The following SPATA16 variants were observed in gnomAD, a reference collection of about 807,000 sequenced individuals.
The protein encoded by SPATA16 is spermatogenesis associated 16.
SPATA16 carries 36 observed loss-of-function variants against 63.3 expected under a neutral mutation model. The ratio of observed to expected loss-of-function variants is 0.57; its 90% CI spans 0.44 to 0.75. The LOEUF is 0.75. SPATA16 is among the 30% of genes least tolerant of loss of function. SPATA16 has a pLI of 0.00. For synonymous variants in SPATA16, 203 were observed against 216.7 expected, an observed-to-expected ratio of 0.94 and a Z score of 0.56; for missense variants, 646 against 679.3, an observed-to-expected ratio of 0.95 and a Z score of 0.54.
At chr3:172,957,251 G>A (rs758580368) in intron 5 of SPATA16, among the ~76,000 whole-genome samples, 3 of 151,822 alleles carry the variant, frequency 2.0e-5, no homozygotes, top group Non-Finnish European at 2.9e-5. Context: ...TAAATAACAC[G>A]GCAAACTAGA....
At chr3:173,003,490 G>T (rs1012191735) in intron 4 of SPATA16, among the ~76,000 whole-genome samples, 5 of 152,202 alleles carry the variant, frequency 3.3e-5, no homozygotes, top group Non-Finnish European at 5.9e-5. Context: ...CTTATCGGCA[G>T]TGTAATCTTC....
intron 6 of SPATA16, among the ~76,000 whole-genome samples, chr3:172,937,277 C>T (rs1334957900): frequency 2.0e-5 from 3 of 152,066 alleles, no homozygotes; most frequent in Non-Finnish European, 4.4e-5. Flanking sequence ...GAGGAGGAAC[C>T]TTTGATTGGT....
At chr3:173,087,844 A>G (rs1034771112) in intron 2 of SPATA16, among the ~76,000 whole-genome samples, 1 of 152,088 alleles carries the variant, frequency 6.6e-6, no homozygotes, top group African/African-American at 2.4e-5. Flanking sequence ...AATGTTGAAT[A>G]TTGGCCTCCA....
intron 1 of SPATA16, among the ~76,000 whole-genome samples, chr3:173,123,300 A>G (rs1342660750): frequency 6.6e-6 from 1 of 152,234 alleles, no homozygotes; most frequent in African/African-American, 2.4e-5. Context: ...TAAAGAAACC[A>G]AGAGGTTAAA....
In SPATA16 at chr3:173,107,455, A is replaced by ATT. The variant is rs35351688; in HGVS notation, c.612+9663_612+9664dup. Among the ~76,000 whole-genome samples, 1,170 of 143,362 alleles carry ATT rather than the reference A, an allele frequency of 8.2e-3. 10 individuals are homozygous for ATT. The highest frequency in any genetic ancestry group is 0.017 in the African/African-American group (660 of 39,482). The allele number at this position is 143,362 out of a possible 152,430, so 94.1% of individuals were successfully genotyped here. A position where few individuals can be genotyped will look rare whatever the true frequency, so the allele number is the denominator to read the frequency against. ...GTGTGATGAAAATCTCTCTCTCTCT[A>ATT]TTTTTTTTTTTTTTTACTCCCTAAG... On this transcript the variant is annotated intron_variant, in intron 2 of 10. Transcript: ENST00000351008.
chr3:172,998,098 A>G (rs1286281963), intron 4 of SPATA16, among the ~76,000 whole-genome samples: 2 of 152,052 alleles, frequency 1.3e-5, no homozygotes, highest in East Asian at 3.9e-4. Context: ...TTTGATTGGG[A>G]CTGTGTTGAA....
At chr3:173,106,376 A>G (rs543243259) in intron 2 of SPATA16, among the ~76,000 whole-genome samples, 1 of 152,184 alleles carries the variant, frequency 6.6e-6, no homozygotes, top group Non-Finnish European at 1.5e-5. Context: ...TAAAATCAAC[A>G]CGTGGATTAT....
intron 5 of SPATA16, among the ~76,000 whole-genome samples, chr3:172,966,640 C>T (rs77544571): frequency 1.3e-5 from 2 of 151,902 alleles, no homozygotes; most frequent in Admixed American, 6.6e-5. Flanking sequence ...ATGATTCAGC[C>T]CAGGTACAGA....
chr3:173,082,299 C>A (rs1183505531), intron 2 of SPATA16, among the ~76,000 whole-genome samples: 1 of 152,178 alleles, frequency 6.6e-6, no homozygotes, highest in East Asian at 1.9e-4. Context: ...ATCCTCAAAA[C>A]CACCTGGAAA....
At chr3:172,958,013 T>A (rs1314792218) in intron 5 of SPATA16, among the ~76,000 whole-genome samples, 1 of 152,184 alleles carries the variant, frequency 6.6e-6, no homozygotes, top group Non-Finnish European at 1.5e-5. Context: ...TATGTAAAAA[T>A]TAGTGGTGGA....
At position 173,062,568 on chromosome 3, in the gene SPATA16, A is replaced by T. The variant is rs146009568; in HGVS notation, c.613-13474T>A. Among the ~76,000 whole-genome samples, 412 of 152,290 alleles carry T rather than the reference A, an allele frequency of 2.7e-3. 2 individuals carry two copies. Among genetic ancestry groups the T allele is most frequent in the African/African-American group, 8.7e-3 (360 of 41,554 alleles). ...TTATAACCCCAAATTTTCTGATGAGATAAGACTGACTAACTTTTCAGACAA... is the reference window on the plus strand; with the variant it reads ...TTATAACCCCAAATTTTCTGATGAGTTAAGACTGACTAACTTTTCAGACAA... On this transcript the variant is annotated intron_variant, in intron 2 of 10. Coordinates refer to ENST00000351008, the MANE Select transcript of SPATA16 (RefSeq NM_031955.6).
At chr3:173,113,692 C>T (rs1438872406) in intron 2 of SPATA16, among the ~76,000 whole-genome samples, 1 of 152,106 alleles carries the variant, frequency 6.6e-6, no homozygotes, top group Admixed American at 6.5e-5. Context: ...GAAACTAACA[C>T]ATAAACAAAA....
chr3:173,117,481 C>G lies in SPATA16; in HGVS notation c.251G>C (p.Arg84Pro). 1 of 1,614,094 alleles carries G rather than the reference C, an allele frequency of 6.2e-7. No homozygotes were observed. The highest frequency in any genetic ancestry group is 8.5e-7 in the Non-Finnish European group (1 of 1,179,994). Reference sequence around the variant, plus strand: ...TGGCTTTTCTTCACCTTCTGCCTTCCGTTTAAAGGCTGCTTTCTCTAAATC... The same window carrying G: ...TGGCTTTTCTTCACCTTCTGCCTTCGGTTTAAAGGCTGCTTTCTCTAAATC... ...SNDLEKAAFKRKAEGEEKPTR... is the reference protein window; with the variant it reads ...SNDLEKAAFKPKAEGEEKPTR... The change falls in exon 2 of 11, where the codon CGG becomes CCG. Residue 84 changes from arginine (R) to proline (P), a missense_variant. By Grantham distance (103) the Arg-to-Pro change is moderately radical (BLOSUM62 -2). Transcript: ENST00000351008.
At chr3:173,026,655 C>T (rs772316705) in intron 3 of SPATA16, among the ~76,000 whole-genome samples, 3 of 151,820 alleles carry the variant, frequency 2.0e-5, no homozygotes, top group Non-Finnish European at 4.4e-5. Context: ...CTGCAATTTT[C>T]CCGGCACTAC....
At chr3:173,081,433 C>T (rs553358891) in intron 2 of SPATA16, among the ~76,000 whole-genome samples, 5 of 152,108 alleles carry the variant, frequency 3.3e-5, no homozygotes, top group Admixed American at 6.5e-5. Flanking sequence ...GAGAATGAGT[C>T]GCTTCCTGGT....
At chr3:172,947,904 C>T (rs567521160) in intron 6 of SPATA16, among the ~76,000 whole-genome samples, 1 of 152,038 alleles carries the variant, frequency 6.6e-6, no homozygotes, top group African/African-American at 2.4e-5. Context: ...ATGTAACAAA[C>T]CTGTACATTC....
intron 4 of SPATA16, among the ~76,000 whole-genome samples, chr3:172,985,344 C>A (rs1000870422): frequency 1.3e-4 from 20 of 152,142 alleles, no homozygotes; most frequent in African/African-American, 4.8e-4. Flanking sequence ...TTTTTGATTT[C>A]TTTTTCTGTG....
intron 1 of SPATA16, among the ~76,000 whole-genome samples, chr3:173,135,031 C>T (rs909239304): frequency 1.3e-5 from 2 of 151,994 alleles, no homozygotes; most frequent in Admixed American, 1.3e-4. Flanking sequence ...AATGACAATT[C>T]GTAGAATAAA....
chr3:172,966,474 A>T (rs1474125418), intron 5 of SPATA16, among the ~76,000 whole-genome samples: 1 of 152,166 alleles, frequency 6.6e-6, no homozygotes, highest in Non-Finnish European at 1.5e-5. Flanking sequence ...CTATATATAT[A>T]TAATAGCACC....
Sources: gnomAD v4.1 joint callset for allele counts (sites outside exome capture counted in the v4.1 genomes callset) on GRCh38, gnomAD v4.1.1 for gene constraint, MANE v1.5 for transcripts, NCBI Gene and HGNC (gene_info 2026-07-23, HGNC 2026-07-21) for gene names.